The following CCDC91 variants were observed in gnomAD, a reference collection of about 807,000 sequenced individuals.
The protein encoded by CCDC91 is coiled-coil domain containing 91.
A neutral mutation model predicts 63.2 loss-of-function variants in CCDC91; 48 were observed. The ratio of observed to expected loss-of-function variants is 0.76; its 90% CI spans 0.60 to 0.97. The LOEUF (loss-of-function observed/expected upper bound fraction) is 0.97. CCDC91 is among the 50% of genes least tolerant of loss of function. The probability of loss-of-function intolerance (pLI) is 0.00; values close to 1 mark genes in which losing one functional copy is unlikely to be tolerated. For synonymous variants in CCDC91, 167 were observed against 165.8 expected, an observed-to-expected ratio of 1.01 and a Z score of -0.06; for missense variants, 500 against 494.6, an observed-to-expected ratio of 1.01 and a Z score of -0.10.
intron 12 of CCDC91, among the ~76,000 whole-genome samples, chr12:28,507,490 A>T (rs1160821325): frequency 1.3e-5 from 2 of 152,002 alleles, no homozygotes; most frequent in Non-Finnish European, 2.9e-5. Flanking sequence ...TAATCACTAA[A>T]GTAAGTATTC....
At chr12:28,347,664 T>A (rs573843951) in intron 6 of CCDC91, among the ~76,000 whole-genome samples, 1 of 152,124 alleles carries the variant, frequency 6.6e-6, no homozygotes, top group East Asian at 1.9e-4. Context: ...TGAAATGAGG[T>A]TTAAAAACAT....
At chr12:28,371,864 G>A (rs1180817793) in intron 7 of CCDC91, among the ~76,000 whole-genome samples, 3 of 152,136 alleles carry the variant, frequency 2.0e-5, no homozygotes, top group Non-Finnish European at 4.4e-5. Flanking sequence ...ACCTTTACTG[G>A]CATGCTTTGT....
At position 28,435,078 on chromosome 12, in the gene CCDC91, A is replaced by G. The variant is rs577996815; in HGVS notation, c.763-15083A>G. Among the ~76,000 whole-genome samples, 5 of 151,868 alleles carry G rather than the reference A, an allele frequency of 3.3e-5. No homozygotes were observed. The South Asian group carries it at 8.3e-4, about 25-fold the overall frequency. On this transcript the variant is annotated intron_variant, in intron 8 of 12. Coordinates refer to ENST00000536442, the MANE Select transcript of CCDC91 (RefSeq NM_018318.5). ...GATTTTTATTGATCAAATAAAAACC[A>G]AATAACCAGCTTTTGGTTTTGTTGA...
At chr12:28,193,470 G>A (rs976114609) in intron 1 of CCDC91, among the ~76,000 whole-genome samples, 5 of 151,970 alleles carry the variant, frequency 3.3e-5, no homozygotes, top group South Asian at 2.1e-4. Context: ...GCGTGGTTGC[G>A]GGTGCCTGTA....
intron 1 of CCDC91, among the ~76,000 whole-genome samples, chr12:28,243,709 C>T (rs1945509811): frequency 6.6e-6 from 1 of 151,952 alleles, no homozygotes; most frequent in African/African-American, 2.4e-5. Flanking sequence ...TTATATGTGA[C>T]CTATGTAAAA....
At chr12:28,500,789 T>A (rs1592862838) in intron 12 of CCDC91, among the ~76,000 whole-genome samples, 1 of 151,718 alleles carries the variant, frequency 6.6e-6, no homozygotes, top group African/African-American at 2.4e-5. Context: ...ATATTTGAAC[T>A]GCATTATCAA....
intron 1 of CCDC91, among the ~76,000 whole-genome samples, chr12:28,235,594 TA>T (rs11424459): frequency 1.5e-4 from 21 of 143,766 alleles, no homozygotes; most frequent in Admixed American, 2.8e-4. Context: ...CGCATAGCAT[TA>T]AAAAAAAAAA....
intron 8 of CCDC91, among the ~76,000 whole-genome samples, chr12:28,413,699 C>T (rs1460036657): frequency 6.6e-6 from 1 of 152,190 alleles, no homozygotes; most frequent in Admixed American, 6.5e-5. Flanking sequence ...CACAGGGAAC[C>T]TTTTCCATTG....
At chr12:28,496,541 A>C (rs1952293891) in intron 12 of CCDC91, among the ~76,000 whole-genome samples, 1 of 151,628 alleles carries the variant, frequency 6.6e-6, no homozygotes. Flanking sequence ...TGGCCACTAC[A>C]TTCTTTAGTA....
At chr12:28,388,699 CAACCCA>C (rs1167131960) in intron 7 of CCDC91, among the ~76,000 whole-genome samples, 3 of 152,110 alleles carry the variant, frequency 2.0e-5, no homozygotes, top group African/African-American at 7.2e-5. Context: ...CCTACAAATT[CAACCCA>C]ATTTCCATCA....
chr12:28,321,712 A>G (rs961762953), intron 6 of CCDC91, among the ~76,000 whole-genome samples: 2 of 151,856 alleles, frequency 1.3e-5, no homozygotes, highest in African/African-American at 2.4e-5. Flanking sequence ...GAAAATGATC[A>G]TGCTGGCACC....
At chr12:28,440,868 G>C (rs1949151062) in intron 8 of CCDC91, among the ~76,000 whole-genome samples, 1 of 151,728 alleles carries the variant, frequency 6.6e-6, no homozygotes, top group Non-Finnish European at 1.5e-5. Flanking sequence ...AGACCAGCCT[G>C]GGCAACACGG....
At chr12:28,329,423 GT>G (rs1380356577) in intron 6 of CCDC91, among the ~76,000 whole-genome samples, 6 of 151,938 alleles carry the variant, frequency 3.9e-5, no homozygotes, top group Non-Finnish European at 8.8e-5. Flanking sequence ...AGGTGAAACT[GT>G]TTTTCCATGT....
At chr12:28,416,408 T>G (rs565665401) in intron 8 of CCDC91, among the ~76,000 whole-genome samples, 6 of 152,238 alleles carry the variant, frequency 3.9e-5, no homozygotes, top group Non-Finnish European at 7.4e-5. Context: ...TGACACTTTT[T>G]TAAATGATAA....
At chr12:28,426,071 A>G (rs950022320) in intron 8 of CCDC91, among the ~76,000 whole-genome samples, 1 of 152,098 alleles carries the variant, frequency 6.6e-6, no homozygotes, top group Non-Finnish European at 1.5e-5. Context: ...CTTTTATTAT[A>G]ATGTGGTATA....
chr12:28,281,877 A>G (rs990266484), intron 3 of CCDC91, among the ~76,000 whole-genome samples: 1 of 152,066 alleles, frequency 6.6e-6, no homozygotes, highest in African/African-American at 2.4e-5. Context: ...ATCCCATAGT[A>G]CCTTGGATTT....
intron 6 of CCDC91, among the ~76,000 whole-genome samples, chr12:28,340,167 G>A (rs1393161193): frequency 1.3e-5 from 2 of 152,046 alleles, no homozygotes; most frequent in African/African-American, 2.4e-5. Flanking sequence ...AGAAACTATT[G>A]TAAACCCTTA....
chr12:28,440,386 A>G (rs2140197746), intron 8 of CCDC91, among the ~76,000 whole-genome samples: 1 of 152,320 alleles, frequency 6.6e-6, no homozygotes, highest in East Asian at 1.9e-4. Context: ...CAGTTCGTAT[A>G]CAAACCAATT....
At chr12:28,393,555 A>G (rs1329672208) in intron 8 of CCDC91, among the ~76,000 whole-genome samples, 2 of 152,130 alleles carry the variant, frequency 1.3e-5, no homozygotes, top group Admixed American at 6.5e-5. Flanking sequence ...TCCCTAAACC[A>G]TATAGCCTAA....
Sources: allele counts gnomAD v4.1 joint callset (sites outside exome capture counted in the v4.1 genomes callset), GRCh38; gene constraint gnomAD v4.1.1; transcripts MANE v1.5; gene names NCBI Gene and HGNC (gene_info 2026-07-23, HGNC 2026-07-21).